TFPI: variants seen among roughly 807,000 people sequenced by gnomAD.
TFPI encodes the protein tissue factor pathway inhibitor.
A neutral mutation model predicts 34.6 loss-of-function variants in TFPI; 15 were observed. The observed-to-expected ratio is 0.43, with a 90% CI of 0.29 to 0.67. The LOEUF (loss-of-function observed/expected upper bound fraction) is 0.67, where lower values mean the gene tolerates loss of function less well. TFPI is among the 30% of genes least tolerant of loss of function. The pLI is 0.15. For synonymous variants in TFPI, 105 were observed against 120.1 expected (o/e 0.87, Z 0.82); for missense variants, 301 against 364.0 (o/e 0.83, Z 1.41).
At chr2:187,529,097 C>T (rs571653560) in intron 1 of TFPI, among the ~76,000 whole-genome samples, 57 of 152,122 alleles carry the variant, frequency 3.7e-4, no homozygotes, top group South Asian at 1.2e-3. Flanking sequence ...TAAAAACAAA[C>T]GAACACGAAT....
At chr2:187,553,841 T>G (rs572444654) in intron 1 of TFPI, among the ~76,000 whole-genome samples, 1 of 152,292 alleles carries the variant, frequency 6.6e-6, no homozygotes, top group Admixed American at 6.5e-5. Context: ...AATGGAAAGG[T>G]AAACCGAACT....
At chr2:187,506,031 A>T (rs1447616169) in intron 1 of TFPI, among the ~76,000 whole-genome samples, 2 of 152,080 alleles carry the variant, frequency 1.3e-5, no homozygotes, top group Non-Finnish European at 2.9e-5. Flanking sequence ...AATAAAGTAC[A>T]TGAATTGCAG....
At chr2:187,528,407 T>C (rs1687787182) in intron 1 of TFPI, among the ~76,000 whole-genome samples, 1 of 152,198 alleles carries the variant, frequency 6.6e-6, no homozygotes, top group Non-Finnish European at 1.5e-5. Context: ...ATACAAAGCA[T>C]TTATATACCA....
intron 1 of TFPI, chr2:187,520,710 G>A (rs562530988): frequency 3.0e-4 from 46 of 152,158 alleles, no homozygotes; most frequent in African/African-American, 1.1e-3. Context: ...TATATAAATT[G>A]TTCGGAATAC....
intron 1 of TFPI, among the ~76,000 whole-genome samples, chr2:187,529,718 C>T (rs1375266866): frequency 6.6e-6 from 1 of 152,142 alleles, no homozygotes; most frequent in East Asian, 1.9e-4. Context: ...AACTTGGTTG[C>T]AAGTTTGTCT....
intron 5 of TFPI, chr2:187,484,456 T>TA: frequency 1.9e-6 from 1 of 522,462 alleles, no homozygotes. Flanking sequence ...TAATAAATGT[T>TA]ATAGGCAGAT....
chr2:187,526,574 C>T (rs1687687811), intron 1 of TFPI, among the ~76,000 whole-genome samples: 1 of 152,026 alleles, frequency 6.6e-6, no homozygotes, highest in Non-Finnish European at 1.5e-5. Flanking sequence ...AACTAGCAGG[C>T]AGTTATTGAT....
intron 3 of TFPI, among the ~76,000 whole-genome samples, chr2:187,496,566 T>C (rs1320486069): frequency 6.6e-6 from 1 of 152,072 alleles, no homozygotes; most frequent in East Asian, 1.9e-4. Flanking sequence ...TTCACTGATA[T>C]GAAGAAAATG....
At chr2:187,476,271 T>C (rs574292943) in intron 6 of TFPI, among the ~76,000 whole-genome samples, 1 of 152,138 alleles carries the variant, frequency 6.6e-6, no homozygotes, top group South Asian at 2.1e-4. Context: ...TGATTAGATA[T>C]AATCAAAAAC....
At chr2:187,471,156 C>T (rs962895361) in intron 6 of TFPI, among the ~76,000 whole-genome samples, 4 of 152,120 alleles carry the variant, frequency 2.6e-5, no homozygotes, top group Admixed American at 1.3e-4. Context: ...CATTATAAGG[C>T]GGTTATTCTT....
chr2:187,489,240 C>T (rs147981766), intron 3 of TFPI, among the ~76,000 whole-genome samples: 40 of 151,524 alleles, frequency 2.6e-4, no homozygotes, highest in African/African-American at 9.4e-4. Context: ...TTATAAGCCT[C>T]TTTCAGCAAC....
intron 1 of TFPI, among the ~76,000 whole-genome samples, chr2:187,520,890 T>C (rs993895915): frequency 7.2e-5 from 11 of 152,102 alleles, no homozygotes; most frequent in Admixed American, 3.3e-4. Flanking sequence ...GAGCATTCAG[T>C]TGGCTCCTGT....
chr2:187,512,332 G>A (rs1329955122), intron 1 of TFPI, among the ~76,000 whole-genome samples: 1 of 145,542 alleles, frequency 6.9e-6, no homozygotes, highest in Admixed American at 6.8e-5. Flanking sequence ...AAATCTTAAA[G>A]TATAAGGGTA....
chr2:187,521,158 T>G (rs1351871608), intron 1 of TFPI, among the ~76,000 whole-genome samples: 2 of 152,106 alleles, frequency 1.3e-5, no homozygotes, highest in Non-Finnish European at 2.9e-5. Context: ...AAGGAATATA[T>G]GTGTATATTC....
At chr2:187,551,341 A>G (rs773786728) in intron 1 of TFPI, among the ~76,000 whole-genome samples, 1 of 152,134 alleles carries the variant, frequency 6.6e-6, no homozygotes, top group Admixed American at 6.5e-5. Flanking sequence ...TGTTCCAACT[A>G]AGAGAGGACA....
intron 4 of TFPI, among the ~76,000 whole-genome samples, chr2:187,487,836 GACA>G (rs1477402205): frequency 1.3e-5 from 2 of 151,316 alleles, no homozygotes. Flanking sequence ...ACAACTCAGA[GACA>G]TACATCCATT....
rs370278854 is a variant in TFPI, at chr2:187,479,176, C to T, written c.628+4948G>A. ...TAATGAAAAGGCCAATTTGAATGGA[C>T]GGAAAAAAGTTATATTTAAGGGACA... On this transcript the variant is annotated intron_variant, in intron 6 of 7. Coordinates refer to ENST00000233156, the MANE Select transcript of TFPI (RefSeq NM_006287.6). Among the ~76,000 whole-genome samples, 38 of 151,704 alleles carry T rather than the reference C, an allele frequency of 2.5e-4. 1 individual carries two copies. The highest frequency in any genetic ancestry group is 3.4e-3 in the Middle Eastern group (1 of 294).
At chr2:187,543,451 T>C (rs529173459) in intron 1 of TFPI, among the ~76,000 whole-genome samples, 6 of 152,348 alleles carry the variant, frequency 3.9e-5, no homozygotes, top group African/African-American at 1.4e-4. Context: ...AAAAAACTGG[T>C]GTTCATGGAG....
chr2:187,524,352 A>G (rs1687571563), intron 1 of TFPI, among the ~76,000 whole-genome samples: 1 of 151,932 alleles, frequency 6.6e-6, no homozygotes, highest in Admixed American at 6.6e-5. Context: ...TAGCTGCACC[A>G]TTTTCCTTTC....
Sources: gnomAD v4.1 joint callset for allele counts (sites outside exome capture counted in the v4.1 genomes callset) on GRCh38, gnomAD v4.1.1 for gene constraint, MANE v1.5 for transcripts, NCBI Gene and HGNC (gene_info 2026-07-23, HGNC 2026-07-21) for gene names.